Variants in NAA11 observed in about 807,000 individuals in gnomAD.
NAA11 encodes the protein N-alpha-acetyltransferase 11.
NAA11 carries 15 observed loss-of-function variants against 16.1 expected under a neutral mutation model. That is an observed-to-expected ratio of 0.93 (90% CI 0.62 to 1.44). The LOEUF is 1.44. Among genes scored for constraint, NAA11 ranks in the 40% most tolerant of loss-of-function variants. The pLI, the probability that NAA11 is intolerant of heterozygous loss-of-function variation, is 0.00. For synonymous variants in NAA11, 122 were observed against 112.4 expected (o/e 1.09, Z -0.54); for missense variants, 298 against 291.3 (o/e 1.02, Z -0.17).
chr4:79,252,387 G>A (rs1722016240), intron 2 of NAA11, among the ~76,000 whole-genome samples: 1 of 152,092 alleles, frequency 6.6e-6, no homozygotes, highest in Non-Finnish European at 1.5e-5. Flanking sequence ...AAATGCACCA[G>A]GCAGTCTTCT....
At chr4:79,157,345 A>G in the NAA11 span, among the ~76,000 whole-genome samples, 6 of 152,120 alleles carry the variant, frequency 3.9e-5, no homozygotes, top group Non-Finnish European at 8.8e-5. Flanking sequence ...GAGTGAGAAC[A>G]TATAATGTTT....
the NAA11 span, among the ~76,000 whole-genome samples, chr4:79,206,513 T>G: frequency 6.6e-6 from 1 of 152,224 alleles, no homozygotes; most frequent in South Asian, 2.1e-4. Context: ...CGCCCACAAT[T>G]TAGCCTAAAT....
At chr4:79,261,250 T>C (rs558929271) in intron 2 of NAA11, among the ~76,000 whole-genome samples, 2 of 152,320 alleles carry the variant, frequency 1.3e-5, no homozygotes, top group South Asian at 4.1e-4. Context: ...TTATAGCGTG[T>C]CTGGATACCC....
At chr4:79,206,032 G>A in the NAA11 span, among the ~76,000 whole-genome samples, 1 of 152,044 alleles carries the variant, frequency 6.6e-6, no homozygotes, top group Admixed American at 6.6e-5. Context: ...ATAATTTGAA[G>A]TAAAGTAATG....
chr4:79,163,641 T>A, the NAA11 span, among the ~76,000 whole-genome samples: 2 of 152,038 alleles, frequency 1.3e-5, no homozygotes, highest in East Asian at 3.9e-4. Flanking sequence ...CTTCCAGGAG[T>A]GCAAGGCCAT....
At chr4:79,168,398 G>T in the NAA11 span, among the ~76,000 whole-genome samples, 1 of 152,154 alleles carries the variant, frequency 6.6e-6, no homozygotes, top group South Asian at 2.1e-4. Context: ...TAATGGGATT[G>T]CCAGGTCAAA....
chr4:79,164,570 C>CT, the NAA11 span, among the ~76,000 whole-genome samples: 1 of 152,176 alleles, frequency 6.6e-6, no homozygotes, highest in African/African-American at 2.4e-5. Flanking sequence ...AACACAAAAT[C>CT]TCCTTGGGAA....
the NAA11 span, among the ~76,000 whole-genome samples, chr4:79,189,373 G>A: frequency 4.7e-4 from 71 of 152,072 alleles, no homozygotes; most frequent in African/African-American, 1.5e-3. Context: ...TGGCTAGATG[G>A]CAACATTTTG....
chr4:79,208,505 G>T, the NAA11 span, among the ~76,000 whole-genome samples: 25 of 151,880 alleles, frequency 1.6e-4, no homozygotes, highest in Admixed American at 1.6e-3. Flanking sequence ...TTGGACAAAG[G>T]GTGGGCTTTT....
the NAA11 span, among the ~76,000 whole-genome samples, chr4:79,195,540 C>T: frequency 6.6e-6 from 1 of 151,958 alleles, no homozygotes; most frequent in South Asian, 2.1e-4. Flanking sequence ...TAGTTTAATG[C>T]AACACTATTA....
the NAA11 span, among the ~76,000 whole-genome samples, chr4:79,161,497 A>C: frequency 6.6e-6 from 1 of 152,114 alleles, no homozygotes; most frequent in Non-Finnish European, 1.5e-5. Context: ...GTTTTTTGCT[A>C]TTCTGGATTC....
the NAA11 span, among the ~76,000 whole-genome samples, chr4:79,176,302 T>C: frequency 3.4e-4 from 51 of 152,180 alleles, no homozygotes; most frequent in Admixed American, 3.3e-3. Context: ...AATTCTTTTG[T>C]GTATGCATGT....
At chr4:79,213,484 A>G in the NAA11 span, among the ~76,000 whole-genome samples, 3 of 152,302 alleles carry the variant, frequency 2.0e-5, no homozygotes, top group African/African-American at 7.2e-5. Context: ...TTTTATCAGC[A>G]TAAACTATCC....
chr4:79,312,541 C>T (rs1450073734), downstream of NAA11, among the ~76,000 whole-genome samples: 1 of 149,264 alleles, frequency 6.7e-6, no homozygotes, highest in African/African-American at 2.5e-5. Flanking sequence ...GTCTCAGCTA[C>T]TCGGGAGGCT....
chr4:79,250,350 G>T (rs1425116452), intron 2 of NAA11, among the ~76,000 whole-genome samples: 1 of 152,246 alleles, frequency 6.6e-6, no homozygotes, highest in Non-Finnish European at 1.5e-5. Flanking sequence ...CACCTCATAA[G>T]TTAAGACCCA....
the NAA11 span, among the ~76,000 whole-genome samples, chr4:79,175,143 G>T: frequency 6.6e-6 from 1 of 152,028 alleles, no homozygotes; most frequent in African/African-American, 2.4e-5. Flanking sequence ...TTCAAAGAAA[G>T]GCAAGTCCTA....
chr4:79,277,756 G>C (rs1473751178), intron 2 of NAA11, among the ~76,000 whole-genome samples: 1 of 151,908 alleles, frequency 6.6e-6, no homozygotes, highest in Non-Finnish European at 1.5e-5. Flanking sequence ...ATCGGAATTA[G>C]TTTAGCCTGT....
chr4:79,323,536 T>A (rs1560479453), intron 1 of NAA11, among the ~76,000 whole-genome samples: 1 of 151,138 alleles, frequency 6.6e-6, no homozygotes, highest in African/African-American at 2.4e-5. Flanking sequence ...AATACAAAAA[T>A]TAGGCCGGGC....
At chr4:79,187,960 C>T in the NAA11 span, among the ~76,000 whole-genome samples, 3 of 137,248 alleles carry the variant, frequency 2.2e-5, no homozygotes, top group Non-Finnish European at 4.5e-5. Flanking sequence ...GATCGCGCCA[C>T]TGCACTCCAG....
Sources: gnomAD v4.1 joint callset for allele counts (sites outside exome capture counted in the v4.1 genomes callset) on GRCh38, gnomAD v4.1.1 for gene constraint, MANE v1.5 for transcripts, NCBI Gene and HGNC (gene_info 2026-07-23, HGNC 2026-07-21) for gene names.